The following CDA variants were observed in gnomAD, a reference collection of about 807,000 sequenced individuals.
CDA encodes cytidine aminohydrolase.
Under a neutral mutation model 15.0 loss-of-function variants are expected in CDA, and 7 were observed. The observed-to-expected ratio is 0.47, with a 90% confidence interval of 0.26 to 0.87. The LOEUF (loss-of-function observed/expected upper bound fraction) is 0.87, where lower values mean the gene tolerates loss of function less well. Ranked by LOEUF, CDA falls within the 40% of genes least tolerant of loss-of-function variation. The pLI is 0.15. For missense variants in CDA, 159 were observed against 182.7 expected, an observed-to-expected ratio of 0.87 and a Z score of 0.75; for synonymous variants, 58 against 73.0, an observed-to-expected ratio of 0.79 and a Z score of 1.05.
intron 2 of CDA, among the ~76,000 whole-genome samples, chr1:20,607,878 C>T (rs1396712209): frequency 2.0e-5 from 3 of 152,184 alleles, no homozygotes; most frequent in Admixed American, 2.0e-4. Context: ...GAACCCCTCT[C>T]AGGTCTTTAA....
chr1:20,613,918 T>C lies in CDA; in HGVS notation c.324+19T>C. The C allele has an allele frequency of 6.2e-7, 1 of 1,610,198 alleles. No homozygotes were observed. ...GAGAGAGGTAAGCAGCTTCTCTTGCTGTCTGGAATGCAAATATCTTCCCTG... is the reference window on the plus strand; with the variant it reads ...GAGAGAGGTAAGCAGCTTCTCTTGCCGTCTGGAATGCAAATATCTTCCCTG... On this transcript the variant is annotated intron_variant, in intron 3 of 3. Coordinates refer to ENST00000375071, the MANE Select transcript of CDA (RefSeq NM_001785.3).
intron 2 of CDA, among the ~76,000 whole-genome samples, chr1:20,610,039 C>G (rs529933560): frequency 2.9e-5 from 1 of 34,056 alleles, no homozygotes; most frequent in Non-Finnish European, 8.5e-5. Flanking sequence ...CTCCACTTGA[C>G]GCATGGTTGG....
chr1:20,595,793 G>T (rs1253921), intron 1 of CDA, among the ~76,000 whole-genome samples: 115,060 of 146,994 alleles, frequency 0.78, 45,301 homozygotes, highest in Middle Eastern at 0.88. Context: ...TGAGCCGTGA[G>T]CACGCCACTG....
chr1:20,601,510 A>G (rs948271188), intron 1 of CDA, among the ~76,000 whole-genome samples: 1 of 152,168 alleles, frequency 6.6e-6, no homozygotes, highest in East Asian at 1.9e-4. Flanking sequence ...TTCTTCCCCA[A>G]AGTAGAATTC....
At chr1:20,589,882 G>A (rs568507768) in intron 1 of CDA, among the ~76,000 whole-genome samples, 8 of 152,350 alleles carry the variant, frequency 5.3e-5, no homozygotes, top group Non-Finnish European at 1.0e-4. Context: ...GAGGAGAAAA[G>A]CCAGCTGGGC....
chr1:20,590,013 A>G (rs895838129), intron 1 of CDA, among the ~76,000 whole-genome samples: 12 of 152,166 alleles, frequency 7.9e-5, no homozygotes, highest in African/African-American at 2.9e-4. Flanking sequence ...GCTTTTGTAG[A>G]AAAGTTCATG....
chr1:20,607,871 C>G (rs149980257), intron 2 of CDA, among the ~76,000 whole-genome samples: 1 of 152,184 alleles, frequency 6.6e-6, no homozygotes, highest in Non-Finnish European at 1.5e-5. Flanking sequence ...TCAGAGAGAA[C>G]CCCTCTCAGG....
At chr1:20,597,090 C>T (rs2052597495) in intron 1 of CDA, among the ~76,000 whole-genome samples, 1 of 152,096 alleles carries the variant, frequency 6.6e-6, no homozygotes. Context: ...CATCTGACCG[C>T]AGCCCTGCCT....
intron 3 of CDA, among the ~76,000 whole-genome samples, chr1:20,616,669 G>A (rs983710701): frequency 6.6e-6 from 1 of 152,144 alleles, no homozygotes; most frequent in Non-Finnish European, 1.5e-5. Context: ...AACGAGAGAA[G>A]GCAAATGAAA....
chr1:20,596,359 G>A (rs1017396561), intron 1 of CDA, among the ~76,000 whole-genome samples: 1 of 152,068 alleles, frequency 6.6e-6, no homozygotes, highest in African/African-American at 2.4e-5. Context: ...AGCCTCAGCA[G>A]CTCCTGGGAA....
chr1:20,604,552 C>A (rs1192073430), intron 1 of CDA, among the ~76,000 whole-genome samples: 1 of 152,154 alleles, frequency 6.6e-6, no homozygotes, highest in African/African-American at 2.4e-5. Flanking sequence ...CCATGGGGCT[C>A]TTAGATCTCT....
chr1:20,593,163 G>A (rs2052564299), intron 1 of CDA, among the ~76,000 whole-genome samples: 1 of 152,206 alleles, frequency 6.6e-6, no homozygotes, highest in African/African-American at 2.4e-5. Context: ...AGGTGGCCCA[G>A]GTGAATGATG....
At chr1:20,612,688 G>A (rs567689318) in intron 2 of CDA, among the ~76,000 whole-genome samples, 7 of 151,982 alleles carry the variant, frequency 4.6e-5, no homozygotes, top group Admixed American at 2.0e-4. Context: ...GGGGCGGGGC[G>A]GGGTGGCTCA....
intron 1 of CDA, among the ~76,000 whole-genome samples, chr1:20,591,610 G>A (rs1477481108): frequency 6.6e-6 from 1 of 152,198 alleles, no homozygotes; most frequent in Admixed American, 6.5e-5. Flanking sequence ...GCCTCATCCA[G>A]TGGAAGGAAG....
intron 1 of CDA, among the ~76,000 whole-genome samples, chr1:20,595,978 G>A (rs759236282): frequency 6.3e-4 from 93 of 147,996 alleles, no homozygotes; most frequent in Admixed American, 1.3e-3. Context: ...GTGAAACCTC[G>A]TCTCTATTAA....
intron 1 of CDA, among the ~76,000 whole-genome samples, chr1:20,595,838 C>T (rs1274783488): frequency 7.9e-6 from 1 of 126,842 alleles, no homozygotes; most frequent in African/African-American, 3.0e-5. Context: ...GAGCAAGACT[C>T]TCTCAAAAAA....
At chr1:20,613,772 G>A (rs902305975) in intron 2 of CDA, 70 bp from the exon 3 acceptor site, 1 of 1,398,152 alleles carries the variant, frequency 7.2e-7, no homozygotes, top group African/African-American at 1.4e-5. Flanking sequence ...GAGTCTCAGG[G>A]CCTGAATCTT....
Position 20,589,125 on chromosome 1 carries a change from C to G in CDA, c.-5C>G, listed in dbSNP as rs775433621. The stretch of plus-strand genomic sequence containing the variant: ...GCTGCTCTGCTGCCTGCCCGGGGTA[C>G]CAACATGGCCCAGAAGCGTCCTGCC... On this transcript the variant is annotated 5_prime_UTR_variant, in exon 1 of 4. Transcript: ENST00000375071. 1.2e-6 allele frequency: 2 copies of G among 1,613,956 alleles called. No homozygotes were observed. Among genetic ancestry groups the G allele is most frequent in the Admixed American group, 3.3e-5 (2 of 59,998 alleles).
chr1:20,611,376 G>GTTTGTTTTGT (rs368105661), intron 2 of CDA, among the ~76,000 whole-genome samples: 2 of 152,164 alleles, frequency 1.3e-5, no homozygotes, highest in South Asian at 4.1e-4. Flanking sequence ...AAAGGCACTT[G>GTTTGTTTTGT]TTTGTTTTGT....
Sources: gnomAD v4.1 joint callset for allele counts (sites outside exome capture counted in the v4.1 genomes callset) on GRCh38, gnomAD v4.1.1 for gene constraint, MANE v1.5 for transcripts, NCBI Gene and HGNC (gene_info 2026-07-23, HGNC 2026-07-21) for gene names.